The following TMPRSS3 variants were observed in gnomAD, a reference collection of about 807,000 sequenced individuals.
TMPRSS3 encodes transmembrane serine protease 3, also known as transmembrane protease serine 3.
A neutral mutation model predicts 59.6 loss-of-function variants in TMPRSS3; 55 were observed. That is an observed-to-expected ratio of 0.92 (90% CI 0.74 to 1.16). The LOEUF (loss-of-function observed/expected upper bound fraction) is 1.16, where lower values mean the gene tolerates loss of function less well. Ranked by LOEUF, TMPRSS3 falls within the 50% of genes most tolerant of loss-of-function variation. The probability of loss-of-function intolerance (pLI) is 0.00; values close to 1 mark genes in which losing one functional copy is unlikely to be tolerated. For missense variants in TMPRSS3, 596 were observed against 579.4 expected, an observed-to-expected ratio of 1.03 and a Z score of -0.29; for synonymous variants, 257 against 237.7, an observed-to-expected ratio of 1.08 and a Z score of -0.75.
chr21:42,390,650 C>T (rs373864783), intron 2 of TMPRSS3, among the ~76,000 whole-genome samples: 28 of 152,142 alleles, frequency 1.8e-4, no homozygotes, highest in African/African-American at 6.5e-4. Context: ...ATCGCTTGAA[C>T]CTGGGAGGCA....
chr21:42,385,242 C>A (rs937245848), intron 6 of TMPRSS3, among the ~76,000 whole-genome samples, 167 bp downstream of exon 6: 4 of 151,934 alleles, frequency 2.6e-5, no homozygotes, highest in African/African-American at 9.7e-5. Context: ...GGTTCTCACA[C>A]CCCCAGCCTG....
intron 12 of TMPRSS3, among the ~76,000 whole-genome samples, chr21:42,373,554 C>T (rs1216071711): frequency 6.6e-6 from 1 of 152,226 alleles, no homozygotes; most frequent in African/African-American, 2.4e-5. Context: ...AGGGTCTTCA[C>T]CCCAGACCTC....
At chr21:42,376,481 G>A (rs1299572757) in intron 11 of TMPRSS3, 60 bp downstream of exon 11, 17 of 1,607,392 alleles carry the variant, frequency 1.1e-5, no homozygotes, top group African/African-American at 1.3e-5. Context: ...CGCTGGCAAC[G>A]ACCTGTCCCA....
At chr21:42,373,050 T>C (rs941899286) in intron 12 of TMPRSS3, among the ~76,000 whole-genome samples, 3 of 152,190 alleles carry the variant, frequency 2.0e-5, no homozygotes, top group African/African-American at 7.2e-5. Context: ...CTCGGCACTA[T>C]GTTCCTGAGT....
Position 42,372,262 on chromosome 21 carries a change from T to A in TMPRSS3, c.*500A>T. 2.2e-6 allele frequency: 1 copy of A among 447,708 alleles called. No individual in the cohort carries two copies. Among genetic ancestry groups the A allele is most frequent in the Non-Finnish European group, 4.5e-6 (1 of 222,804 alleles). The allele number at this position is 447,708 out of a possible 1,614,324, so 27.7% of individuals were successfully genotyped here. Reference sequence around the variant, plus strand: ...CTGCTTCTTTTGTTCTTAGTGAAGATCAGAAAGGAGCGTGAGGCTAGGCGT... The same window carrying A: ...CTGCTTCTTTTGTTCTTAGTGAAGAACAGAAAGGAGCGTGAGGCTAGGCGT... On this transcript the variant is annotated 3_prime_UTR_variant, in exon 13 of 13. Transcript: ENST00000644384.
At chr21:42,379,977 C>A in intron 10 of TMPRSS3, 140 bp downstream of exon 10, 1 of 721,874 alleles carries the variant, frequency 1.4e-6, no homozygotes, top group Non-Finnish European at 2.5e-6. Context: ...GACTGTGTCC[C>A]GAGCAGCTGA....
intron 6 of TMPRSS3, among the ~76,000 whole-genome samples, chr21:42,385,056 C>CCTTCCTTCCTCCCTCT: frequency 1.7e-5 from 2 of 116,448 alleles, no homozygotes; most frequent in Non-Finnish European, 3.5e-5. Context: ...TCCCTTCCTT[C>CCTTCCTTCCTCCCTCT]CTCCCTCCCT....
chr21:42,386,013 C>T (rs558599916), intron 5 of TMPRSS3, among the ~76,000 whole-genome samples: 37 of 152,234 alleles, frequency 2.4e-4, no homozygotes, highest in Admixed American at 7.8e-4. Context: ...CCAGGACCAG[C>T]GCAGAGCCCC....
chr21:42,385,845 C>T (rs943564061), intron 5 of TMPRSS3, among the ~76,000 whole-genome samples: 1 of 152,140 alleles, frequency 6.6e-6, no homozygotes, highest in Non-Finnish European at 1.5e-5. Context: ...TCACTCTTTG[C>T]GCATTCCAGT....
At chr21:42,395,784 T>A (rs1466594502) in intron 1 of TMPRSS3, 158 bp downstream of exon 1, 1 of 401,338 alleles carries the variant, frequency 2.5e-6, no homozygotes, top group Non-Finnish European at 4.9e-6. Flanking sequence ...CTCTCACCAT[T>A]TAGAAGTTGC....
At chr21:42,376,814 G>A (rs999797220) in intron 10 of TMPRSS3, 131 bp from the exon 11 acceptor site, 39 of 1,390,712 alleles carry the variant, frequency 2.8e-5, no homozygotes, top group African/African-American at 1.1e-4. Flanking sequence ...TCGCAACAGC[G>A]GAAAAGGACA....
chr21:42,374,766 C>T lies in TMPRSS3; in HGVS notation c.1344+950G>A, dbSNP rs142172659. Among the ~76,000 whole-genome samples, 1,166 of 152,188 alleles carry T rather than the reference C, an allele frequency of 7.7e-3. 16 individuals carry two copies. The highest frequency in any genetic ancestry group is 0.027 in the African/African-American group (1,101 of 41,530). On this transcript the variant is annotated intron_variant, in intron 12 of 12. Coordinates refer to ENST00000644384, the MANE Select transcript of TMPRSS3 (RefSeq NM_001256317.3). ...TTTCACTTGAATTAGGGAAAAAAAA[C>T]GTACTTACTTTGACGTCATTGTTAG...
At chr21:42,384,842 C>A (rs945976064) in intron 6 of TMPRSS3, among the ~76,000 whole-genome samples, 1 of 152,086 alleles carries the variant, frequency 6.6e-6, no homozygotes, top group Non-Finnish European at 1.5e-5. Flanking sequence ...CACCGTCTAA[C>A]CTGGGGCAAG....
chr21:42,377,705 GACA>G, intron 10 of TMPRSS3, among the ~76,000 whole-genome samples: 2 of 152,314 alleles, frequency 1.3e-5, no homozygotes, highest in Admixed American at 1.3e-4. Context: ...ATTCCATGGA[GACA>G]ACAAAATCAC....
At position 42,375,752 on chromosome 21, in the gene TMPRSS3, G is replaced by A. The variant is rs1312592825; in HGVS notation, c.1308C>T (p.Val436=). Residue 436 remains valine (V), a synonymous_variant, in exon 12 of 13, where the codon GTC becomes GTT. Coordinates refer to ENST00000644384, the MANE Select transcript of TMPRSS3 (RefSeq NM_001256317.3). ...EVNKPGVYTR[V]TSFLDWIHEQ... Reference sequence around the variant, plus strand: ...CGTGGATCCAGTCCAGGAAGGAGGTGACACGGGTGTACACCCCAGGCTTGT... The same window carrying A: ...CGTGGATCCAGTCCAGGAAGGAGGTAACACGGGTGTACACCCCAGGCTTGT... 5 of 1,613,690 alleles carry A rather than the reference G, an allele frequency of 3.1e-6. No homozygotes were observed. Among genetic ancestry groups the A allele is most frequent in the Non-Finnish European group, 4.2e-6 (5 of 1,180,034 alleles).
intron 9 of TMPRSS3, chr21:42,381,734 C>G: frequency 6.6e-6 from 3 of 457,088 alleles, no homozygotes; most frequent in South Asian, 6.3e-5. Flanking sequence ...GCAGAGTCAT[C>G]AGTGCATTCA....
intron 9 of TMPRSS3, among the ~76,000 whole-genome samples, chr21:42,381,032 A>T (rs970750697): frequency 1.3e-5 from 2 of 152,222 alleles, no homozygotes; most frequent in African/African-American, 2.4e-5. Flanking sequence ...TTACGTGTCC[A>T]TGTGATGGAT....
rs530849960 is a variant in TMPRSS3, at chr21:42,375,170, G to A, written c.1344+546C>T. On this transcript the variant is annotated intron_variant, in intron 12 of 12. Transcript: ENST00000644384. ...GCCCGGGTCCTGCCAAGCCAGCCTC[G>A]CTGTTGGGTGCCCCCCTGCAGGCCC... Among the ~76,000 whole-genome samples, 1,092 of 151,752 alleles carry A rather than the reference G, an allele frequency of 7.2e-3. 17 individuals are homozygous for A. Among genetic ancestry groups the A allele is most frequent in the African/African-American group, 0.025 (1,038 of 41,326 alleles).
chr21:42,376,586 G>A lies in TMPRSS3; in HGVS notation c.1146C>T (p.Ser382=), dbSNP rs1009019681. Residue 382 remains serine (S), a synonymous_variant, in exon 11 of 13, where the codon TCC becomes TCT. Coordinates refer to ENST00000644384, the MANE Select transcript of TMPRSS3 (RefSeq NM_001256317.3). ...CCGTCAGGTAGCCCGCGCAGAGCATGGAGGGGGAGATGATGCCACCGTACA... is the reference window on the plus strand; with the variant it reads ...CCGTCAGGTAGCCCGCGCAGAGCATAGAGGGGGAGATGATGCCACCGTACA... The part of the protein sequence containing the change: ...RDVYGGIISP[S]MLCAGYLTGG... 1.2e-6 allele frequency: 2 copies of A among 1,613,922 alleles called. No individual in the cohort carries two copies. The highest frequency in any genetic ancestry group is 1.7e-6 in the Non-Finnish European group (2 of 1,179,992).
Sources: gnomAD v4.1 joint callset for allele counts (sites outside exome capture counted in the v4.1 genomes callset) on GRCh38, gnomAD v4.1.1 for gene constraint, MANE v1.5 for transcripts, NCBI Gene and HGNC (gene_info 2026-07-23, HGNC 2026-07-21) for gene names.